NBEAL1: variants seen among roughly 807,000 people sequenced by gnomAD.
NBEAL1 encodes neurobeachin like 1.
Under a neutral mutation model 351.3 loss-of-function variants are expected in NBEAL1, and 273 were observed. The observed-to-expected ratio is 0.78, with a 90% CI of 0.70 to 0.86. The LOEUF is 0.86. Ranked by LOEUF, NBEAL1 falls within the 40% of genes least tolerant of loss-of-function variation. NBEAL1 has a pLI of 0.00. For synonymous variants in NBEAL1, 1,050 were observed against 1,086.4 expected (o/e 0.97, Z 0.66); for missense variants, 2,961 against 3,201.3 (o/e 0.92, Z 1.81).
rs1407139748 is a variant in NBEAL1, at chr2:203,141,574, G to A, written c.4848+2826G>A. On this transcript the variant is annotated intron_variant, in intron 31 of 55. Coordinates refer to ENST00000683969, the MANE Select transcript of NBEAL1 (RefSeq NM_001378026.1). ...ATTTTTGTATTTTTAGTAGAGGTGG[G>A]GTTTCACCATGTTGGCAAGGCTGGT... 2.0e-5 allele frequency among the ~76,000 whole-genome samples: 3 copies of A among 150,058 alleles called. No individual in the cohort carries two copies. In the East Asian group the frequency reaches 5.9e-4, roughly 29 times the overall value.
intron 51 of NBEAL1, among the ~76,000 whole-genome samples, chr2:203,208,112 A>T (rs1375117080): frequency 6.6e-6 from 1 of 151,788 alleles, no homozygotes; most frequent in Non-Finnish European, 1.5e-5. Flanking sequence ...CAAGACCCTC[A>T]TCTCTACAAA....
At chr2:203,066,941 G>A (rs563485171) in intron 6 of NBEAL1, among the ~76,000 whole-genome samples, 50 of 148,312 alleles carry the variant, frequency 3.4e-4, no homozygotes, top group African/African-American at 1.2e-3. Flanking sequence ...AAGGGCAGCC[G>A]GGCAGAGGCG....
chr2:203,144,941 T>C (rs2063471703), intron 32 of NBEAL1, 36 bp downstream of exon 32: 1 of 1,525,246 alleles, frequency 6.6e-7, no homozygotes, highest in Admixed American at 2.3e-5. Flanking sequence ...ATTTTTCTGC[T>C]AATTTACCAT....
At chr2:203,115,842 A>G (rs1469557304) in intron 17 of NBEAL1, 143 bp from the exon 18 acceptor site, 2 of 560,816 alleles carry the variant, frequency 3.6e-6, no homozygotes, top group South Asian at 5.1e-5. Context: ...ATATGGAAAC[A>G]AAGTAAATTT....
chr2:203,044,990 T>G (rs1269104436), intron 3 of NBEAL1, among the ~76,000 whole-genome samples: 1 of 152,098 alleles, frequency 6.6e-6, no homozygotes, highest in Admixed American at 6.5e-5. Context: ...AACAGTAAAG[T>G]CCTAGAGGTG....
intron 8 of NBEAL1, among the ~76,000 whole-genome samples, chr2:203,080,493 A>G (rs1256316984): frequency 6.6e-6 from 1 of 151,956 alleles, no homozygotes; most frequent in Non-Finnish European, 1.5e-5. Flanking sequence ...TTCTCTCTGT[A>G]TGTTTTTTTT....
chr2:203,065,745 C>G (rs2061573622), intron 6 of NBEAL1, among the ~76,000 whole-genome samples: 1 of 151,332 alleles, frequency 6.6e-6, no homozygotes, highest in African/African-American at 2.4e-5. Context: ...GAGTGAGACT[C>G]TGTCTCAGAA....
At chr2:203,145,417 A>G (rs1195173315) in intron 33 of NBEAL1, among the ~76,000 whole-genome samples, 1 of 152,242 alleles carries the variant, frequency 6.6e-6, no homozygotes, top group East Asian at 1.9e-4. Context: ...GGCTGGATAC[A>G]TACCATCACT....
chr2:203,142,066 A>G (rs1425367958), intron 31 of NBEAL1, among the ~76,000 whole-genome samples: 20 of 152,168 alleles, frequency 1.3e-4, no homozygotes, highest in Admixed American at 1.3e-3. Flanking sequence ...TGGGCTGCAC[A>G]TTAAATCACC....
chr2:203,104,291 T>G (rs2062386852), intron 12 of NBEAL1, among the ~76,000 whole-genome samples: 1 of 152,238 alleles, frequency 6.6e-6, no homozygotes, highest in Admixed American at 6.5e-5. Context: ...CCTTTATCAT[T>G]ATGTAACTTC....
chr2:203,074,317 C>CTTTT (rs56217945), intron 7 of NBEAL1, among the ~76,000 whole-genome samples: 33 of 98,296 alleles, frequency 3.4e-4, no homozygotes, highest in African/African-American at 7.1e-4. Flanking sequence ...TTTCTTTCTT[C>CTTTT]TTTTTTTTTT....
chr2:203,087,531 CT>C (rs2061990163), intron 10 of NBEAL1, among the ~76,000 whole-genome samples: 1 of 152,198 alleles, frequency 6.6e-6, no homozygotes, highest in Non-Finnish European at 1.5e-5. Context: ...CATACCATGA[CT>C]TGTGCAAGGC....
Position 203,107,962 on chromosome 2 carries a change from T to TA in NBEAL1, c.1724dup (p.Tyr575Ter). The TA allele has an allele frequency of 6.4e-7, 1 of 1,554,490 alleles. No individual in the cohort carries two copies. Among genetic ancestry groups the TA allele is most frequent in the Admixed American group, 2.0e-5 (1 of 51,018 alleles). ...RVDESESVHP[Y>*]VTPVTRAILT... ...GGATGAATCTGAGTCTGTTCACCCT[T>TA]ATGTCACTCCCGTGACTCGAGCAAT... is the stretch of plus-strand genomic sequence containing the variant. The change falls in exon 14 of 56, where the codon TAT (tyrosine) becomes TAAT (stop). Residue 575 changes from tyrosine (Y) to a stop codon, truncating the protein, a stop_gained and frameshift_variant. Transcript: ENST00000683969. LOFTEE classifies it high-confidence loss of function.
At chr2:203,080,370 C>CCA (rs2061851622) in intron 8 of NBEAL1, among the ~76,000 whole-genome samples, 1 of 152,126 alleles carries the variant, frequency 6.6e-6, no homozygotes, top group African/African-American at 2.4e-5. Flanking sequence ...CGAGATCGCA[C>CCA]CACTGCACTC....
rs2065407656 is a variant in NBEAL1, at chr2:203,201,793, G to T, written c.7411+78G>T. On this transcript the variant is annotated intron_variant, in intron 50 of 55. Coordinates refer to ENST00000683969, the MANE Select transcript of NBEAL1 (RefSeq NM_001378026.1). The stretch of plus-strand genomic sequence containing the variant: ...AGTATAAAAGTAGTACGTGCTCTTT[G>T]TAAAGAGCATTAAATTTTACCTTTG... 3 of 1,159,168 alleles carry T rather than the reference G, an allele frequency of 2.6e-6. No homozygotes were observed. In the East Asian group the frequency reaches 7.6e-5, roughly 30 times the overall value. The allele number at this position is 1,159,168 out of a possible 1,614,324, so 71.8% of individuals were successfully genotyped here. A position where few individuals can be genotyped will look rare whatever the true frequency, so the allele number is the denominator to read the frequency against.
At chr2:203,179,391 G>C (rs2064628747) in intron 42 of NBEAL1, among the ~76,000 whole-genome samples, 1 of 152,186 alleles carries the variant, frequency 6.6e-6, no homozygotes, top group Admixed American at 6.5e-5. Flanking sequence ...AATCTCTTGA[G>C]GCCAGGAGTT....
chr2:203,157,540 A>G (rs2063827882), intron 35 of NBEAL1, among the ~76,000 whole-genome samples, 159 bp from the exon 36 acceptor site: 1 of 152,144 alleles, frequency 6.6e-6, no homozygotes. Context: ...ATCGCCATCA[A>G]ACGTGAAGGA....
chr2:203,079,944 TG>T (rs2061843733), intron 8 of NBEAL1, among the ~76,000 whole-genome samples: 1 of 152,190 alleles, frequency 6.6e-6, no homozygotes, highest in Non-Finnish European at 1.5e-5. Flanking sequence ...TGTTTGATAA[TG>T]TATTTATCAT....
chr2:203,112,886 A>G (rs944511268), intron 16 of NBEAL1, 129 bp from the exon 17 acceptor site: 12 of 968,162 alleles, frequency 1.2e-5, no homozygotes, highest in African/African-American at 1.7e-5. Flanking sequence ...GTAAAAATAA[A>G]ACTGCTTCCA....
Sources: gnomAD v4.1 joint callset for allele counts (sites outside exome capture counted in the v4.1 genomes callset) on GRCh38, gnomAD v4.1.1 for gene constraint, MANE v1.5 for transcripts, NCBI Gene and HGNC (gene_info 2026-07-23, HGNC 2026-07-21) for gene names.